Variants in CAMTA1 observed in about 807,000 individuals in gnomAD.
The protein encoded by CAMTA1 is calmodulin binding transcription activator 1.
A neutral mutation model predicts 170.9 loss-of-function variants in CAMTA1; 27 were observed. The observed-to-expected ratio is 0.16, with a 90% CI of 0.12 to 0.22. The LOEUF is 0.22. Among genes scored for constraint, CAMTA1 ranks in the 10% least tolerant of loss-of-function variants. The probability of loss-of-function intolerance (pLI) is 1.00; values close to 1 mark genes in which losing one functional copy is unlikely to be tolerated. For missense variants in CAMTA1, 1,619 were observed against 2,217.2 expected (o/e 0.73, Z 5.42); for synonymous variants, 833 against 891.5 (o/e 0.93, Z 1.17).
At chr1:7,695,544 G>T (rs986429865) in intron 11 of CAMTA1, among the ~76,000 whole-genome samples, 1 of 152,166 alleles carries the variant, frequency 6.6e-6, no homozygotes, top group Non-Finnish European at 1.5e-5. Flanking sequence ...GACAGAGCAC[G>T]ATCCATGGTA....
At chr1:7,704,996 ACACGCGTG>A (rs2096495098) in intron 11 of CAMTA1, among the ~76,000 whole-genome samples, 1 of 130,904 alleles carries the variant, frequency 7.6e-6, no homozygotes, top group Non-Finnish European at 1.6e-5. Flanking sequence ...GGGCGTGGGG[ACACGCGTG>A]CTCGCGGGCC....
At position 7,498,429 on chromosome 1, in the gene CAMTA1, G is replaced by A. The variant is rs184004597; in HGVS notation, c.510+30528G>A. ...TGAGTGTGTATGAGTGTGTGGATGT[G>A]CGTGTGTATGAGTGTGTGTGAATGT... On this transcript the variant is annotated intron_variant, in intron 6 of 22. Transcript: ENST00000303635. Among the ~76,000 whole-genome samples, 1,379 of 150,940 alleles carry A rather than the reference G, an allele frequency of 9.1e-3. 23 individuals carry two copies. The highest frequency in any genetic ancestry group is 0.032 in the African/African-American group (1,320 of 41,368).
intron 4 of CAMTA1, among the ~76,000 whole-genome samples, chr1:7,168,472 G>A (rs1284104108): frequency 1.3e-5 from 2 of 152,108 alleles, no homozygotes; most frequent in African/African-American, 2.4e-5. Flanking sequence ...GCACGATCTC[G>A]GCTCGCTGCA....
At chr1:7,423,170 G>A (rs920335202) in intron 5 of CAMTA1, among the ~76,000 whole-genome samples, 8 of 152,154 alleles carry the variant, frequency 5.3e-5, no homozygotes, top group African/African-American at 1.9e-4. Flanking sequence ...TTCCTCAATG[G>A]TTTAGAAGCA....
chr1:7,455,138 C>T lies in CAMTA1; in HGVS notation c.439-12692C>T, dbSNP rs374558921. ...GCACATTTGTTTTCAGGGGAAGGGG[C>T]GCTGCTGTGCAGACCCTGCTAAGTC... is the stretch of plus-strand genomic sequence containing the variant. On this transcript the variant is annotated intron_variant, in intron 5 of 22. Transcript: ENST00000303635. This position sits in a 1 kb window ranked among gnomAD's most constrained non-coding sequence, Gnocchi z 5.0. Among the ~76,000 whole-genome samples the T allele has an allele frequency of 4.6e-5, 7 of 152,224 alleles. No individual in the cohort carries two copies. Among genetic ancestry groups the T allele is most frequent in the East Asian group, 3.9e-4 (2 of 5,164 alleles).
intron 4 of CAMTA1, among the ~76,000 whole-genome samples, chr1:7,231,350 T>TGTGTGTGAGAGAGA (rs112268253): frequency 7.1e-6 from 1 of 141,106 alleles, no homozygotes; most frequent in African/African-American, 2.7e-5. Flanking sequence ...TGTGTGTGTG[T>TGTGTGTGAGAGAGA]GAGAGAGAGA....
chr1:7,766,115 C>A (rs72853886), intron 22 of CAMTA1, among the ~76,000 whole-genome samples: 4 of 151,556 alleles, frequency 2.6e-5, no homozygotes, highest in African/African-American at 9.7e-5. Context: ...TGGTGGTCCA[C>A]GAGACTAAAA....
chr1:7,101,770 A>G (rs904159337), intron 4 of CAMTA1, among the ~76,000 whole-genome samples: 23 of 152,076 alleles, frequency 1.5e-4, no homozygotes, highest in African/African-American at 5.3e-4. Flanking sequence ...ATATGCATGA[A>G]CAAATTTGTA....
intron 3 of CAMTA1, among the ~76,000 whole-genome samples, chr1:7,076,580 A>G (rs1639332058): frequency 1.3e-5 from 2 of 152,206 alleles, no homozygotes; most frequent in Non-Finnish European, 1.5e-5. Context: ...ATATAGACTT[A>G]TCAGTGGTCA....
intron 5 of CAMTA1, among the ~76,000 whole-genome samples, chr1:7,310,700 C>CTCTTTCTTTCTTTCTT (rs71571885): frequency 2.8e-4 from 15 of 53,472 alleles, no homozygotes; most frequent in East Asian, 3.6e-4. Context: ...CTCTCTCTCT[C>CTCTTTCTTTCTTTCTT]TCTTTCTTTC....
chr1:7,236,005 C>T (rs1204274665), intron 4 of CAMTA1, among the ~76,000 whole-genome samples: 1 of 152,172 alleles, frequency 6.6e-6, no homozygotes, highest in Non-Finnish European at 1.5e-5. Flanking sequence ...CTGGGCCGGG[C>T]CTGTCAGCCT....
At chr1:7,714,467 C>G (rs2096594291) in intron 11 of CAMTA1, among the ~76,000 whole-genome samples, 1 of 152,146 alleles carries the variant, frequency 6.6e-6, no homozygotes, top group Admixed American at 6.5e-5. Flanking sequence ...AATAAACAGT[C>G]ACTTGAAACC....
At chr1:6,953,404 C>T (rs1461738975) in intron 3 of CAMTA1, among the ~76,000 whole-genome samples, 1 of 152,250 alleles carries the variant, frequency 6.6e-6, no homozygotes, top group Non-Finnish European at 1.5e-5. Context: ...TTTCTCGCCG[C>T]GTGAGTCCCC....
intron 4 of CAMTA1, among the ~76,000 whole-genome samples, chr1:7,158,025 G>C (rs1170547391): frequency 2.0e-5 from 3 of 152,154 alleles, no homozygotes; most frequent in Non-Finnish European, 4.4e-5. Flanking sequence ...CAGGCGTGGT[G>C]GTGGGCGCCT....
intron 1 of CAMTA1, among the ~76,000 whole-genome samples, chr1:6,817,838 C>T (rs551322643): frequency 1.3e-5 from 2 of 152,108 alleles, no homozygotes; most frequent in African/African-American, 4.8e-5. Context: ...GGAAACAGTC[C>T]TAGAACAAGA....
chr1:7,390,948 A>C (rs1013246271), intron 5 of CAMTA1, among the ~76,000 whole-genome samples: 2 of 151,752 alleles, frequency 1.3e-5, no homozygotes, highest in African/African-American at 4.8e-5. Context: ...TGAGTGGTGC[A>C]TCCAGCTGGT....
At chr1:7,204,174 T>G (rs1657252075) in intron 4 of CAMTA1, among the ~76,000 whole-genome samples, 1 of 152,062 alleles carries the variant, frequency 6.6e-6, no homozygotes, top group African/African-American at 2.4e-5. Context: ...GTCATTAACT[T>G]CCACTGTAAT....
At chr1:6,889,439 C>T (rs1674040484) in intron 3 of CAMTA1, among the ~76,000 whole-genome samples, 1 of 152,154 alleles carries the variant, frequency 6.6e-6, no homozygotes, top group Non-Finnish European at 1.5e-5. Context: ...CAAGGTCGAA[C>T]TAACTTTTTA....
chr1:7,636,359 C>A (rs985758118), intron 6 of CAMTA1, among the ~76,000 whole-genome samples: 2 of 152,136 alleles, frequency 1.3e-5, no homozygotes, highest in Non-Finnish European at 2.9e-5. Flanking sequence ...AGATCTCATA[C>A]CCAGAAAAGA....
Sources: gnomAD v4.1 joint callset for allele counts (sites outside exome capture counted in the v4.1 genomes callset) on GRCh38, gnomAD v4.1.1 for gene constraint, Gnocchi (gnomAD v3.1) non-coding constraint, MANE v1.5 for transcripts, NCBI Gene and HGNC (gene_info 2026-07-23, HGNC 2026-07-21) for gene names.